Variants in ABCB7 observed in about 807,000 individuals in gnomAD.
ABCB7 encodes the protein iron-sulfur clusters transporter ABCB7, mitochondrial.
In ABCB7, 7 loss-of-function variants were observed where a neutral mutation model predicts 54.4. The ratio of observed to expected loss-of-function variants is 0.13; its 90% CI spans 0.07 to 0.24. The LOEUF (loss-of-function observed/expected upper bound fraction) is 0.24. Ranked by LOEUF, ABCB7 falls within the 10% of genes least tolerant of loss-of-function variation. The pLI, the probability that ABCB7 is intolerant of heterozygous loss-of-function variation, is 1.00. For synonymous variants in ABCB7, 218 were observed against 207.1 expected (o/e 1.05, Z -0.45); for missense variants, 356 against 570.4 (o/e 0.62, Z 3.83).
intron 3 of ABCB7, among the ~76,000 whole-genome samples, chrX:75,107,911 T>G (rs765807148): frequency 8.2e-5 from 9 of 110,253 alleles, no homozygotes; most frequent in African/African-American, 2.6e-4. Context: ...TACCGGATTA[T>G]AGGATTTGAC....
chrX:75,128,299 T>C (rs1284581939), intron 1 of ABCB7, among the ~76,000 whole-genome samples: 1 of 110,765 alleles, frequency 9.0e-6, no homozygotes, highest in South Asian at 3.9e-4. Flanking sequence ...ACACCACACA[T>C]CTACAACCAT....
At chrX:75,092,163 C>G (rs2081549469) in intron 4 of ABCB7, among the ~76,000 whole-genome samples, 1 of 111,074 alleles carries the variant, frequency 9.0e-6, no homozygotes, top group Non-Finnish European at 1.9e-5. Context: ...CACTACCTGA[C>G]TATAAGACTT....
At chrX:75,074,023 A>G (rs2081386664) in intron 6 of ABCB7, 67 bp from the exon 7 acceptor site, 1 of 900,007 alleles carries the variant, frequency 1.1e-6, no homozygotes, top group African/African-American at 2.0e-5. Flanking sequence ...TTTGTAATAC[A>G]CAACAGCAAA....
At chrX:75,137,686 A>G (rs1037801819) in intron 1 of ABCB7, among the ~76,000 whole-genome samples, 3 of 112,563 alleles carry the variant, frequency 2.7e-5, no homozygotes, top group African/African-American at 9.7e-5. Context: ...ACACTATGGA[A>G]TACCACATAG....
chrX:75,090,078 C>T (rs762119486), intron 4 of ABCB7, among the ~76,000 whole-genome samples: 1 of 109,405 alleles, frequency 9.1e-6, no homozygotes, highest in East Asian at 2.9e-4. Context: ...GTGTATGCAC[C>T]TAACAGCAAA....
intron 4 of ABCB7, among the ~76,000 whole-genome samples, chrX:75,095,957 T>C (rs1224767790): frequency 1.8e-5 from 2 of 112,028 alleles, no homozygotes; most frequent in Non-Finnish European, 3.8e-5. Context: ...TAAAAATAAA[T>C]TCTAATACAA....
chrX:75,132,370 C>T (rs1187431100), intron 1 of ABCB7, among the ~76,000 whole-genome samples: 1 of 113,323 alleles, frequency 8.8e-6, no homozygotes. Flanking sequence ...AGCCACTCCA[C>T]ATTAGGCTGA....
intron 15 of ABCB7, among the ~76,000 whole-genome samples, chrX:75,059,863 T>A (rs1293718813): frequency 1.8e-5 from 2 of 111,764 alleles, no homozygotes; most frequent in African/African-American, 6.5e-5. Flanking sequence ...TGTGCAGGTA[T>A]TAGAAAAACA....
intron 12 of ABCB7, 53 bp from the exon 13 acceptor site, chrX:75,065,294 A>C (rs946608215): frequency 5.8e-6 from 6 of 1,031,072 alleles, no homozygotes; most frequent in Non-Finnish European, 8.0e-6. Flanking sequence ...ATCTCTCTCT[A>C]TTTATGTTCA....
At chrX:75,105,358 T>C (rs1414727244) in intron 3 of ABCB7, among the ~76,000 whole-genome samples, 2 of 111,310 alleles carry the variant, frequency 1.8e-5, no homozygotes, top group Non-Finnish European at 3.8e-5. Context: ...AAAATGAGCA[T>C]TTCTATACAT....
chrX:75,121,515 C>T (rs1363332602), intron 1 of ABCB7, among the ~76,000 whole-genome samples: 2 of 110,949 alleles, frequency 1.8e-5, no homozygotes, highest in African/African-American at 6.6e-5. Context: ...TTTAGACTGA[C>T]TGCTTGTTCC....
chrX:75,055,553 CAAAAAAAAAAAAA>C (rs59851777), intron 15 of ABCB7, among the ~76,000 whole-genome samples: 2 of 21,754 alleles, frequency 9.2e-5, no homozygotes, highest in African/African-American at 2.1e-4. Flanking sequence ...CCATCTCTAC[CAAAAAAAAAAAAA>C]AAAAAAAAAA....
chrX:75,095,534 G>A (rs1012228344), intron 4 of ABCB7, among the ~76,000 whole-genome samples: 2 of 112,743 alleles, frequency 1.8e-5, no homozygotes, highest in African/African-American at 6.4e-5. Flanking sequence ...CTGTGCAAAT[G>A]CTTTTTGGAA....
chrX:75,122,548 T>G (rs1169473593), intron 1 of ABCB7, among the ~76,000 whole-genome samples: 1 of 112,307 alleles, frequency 8.9e-6, no homozygotes, highest in African/African-American at 3.2e-5. Flanking sequence ...GAAGAGGAAT[T>G]TCTGGATCAT....
intron 1 of ABCB7, among the ~76,000 whole-genome samples, chrX:75,153,336 G>A (rs1160479821): frequency 9.0e-6 from 1 of 111,034 alleles, no homozygotes; most frequent in East Asian, 2.8e-4. Flanking sequence ...ATTTTGGGAC[G>A]ACTGTTGAAT....
chrX:75,073,834 C>T (rs1227014074), intron 7 of ABCB7, 34 bp downstream of exon 7: 1 of 1,194,336 alleles, frequency 8.4e-7, no homozygotes, highest in Admixed American at 2.2e-5. Flanking sequence ...AAAACAATTT[C>T]TAAATTTTAT....
chrX:75,152,811 G>T (rs1472438097), intron 1 of ABCB7, among the ~76,000 whole-genome samples: 1 of 109,087 alleles, frequency 9.2e-6, no homozygotes, highest in Non-Finnish European at 1.9e-5. Flanking sequence ...AGGTGCACGT[G>T]ACCATGCCCA....
chrX:75,087,402 G>A (rs1270324738), intron 4 of ABCB7, among the ~76,000 whole-genome samples: 2 of 112,136 alleles, frequency 1.8e-5, no homozygotes, highest in Non-Finnish European at 3.8e-5. Flanking sequence ...AGTTATGTAA[G>A]TTGATCAAAT....
chrX:75,150,153 A>T (rs1257197585), intron 1 of ABCB7, among the ~76,000 whole-genome samples: 1 of 111,700 alleles, frequency 9.0e-6, no homozygotes, highest in Admixed American at 9.5e-5. Context: ...ATAAAGTAAT[A>T]AGGGTCTAAA....
Sources: allele counts gnomAD v4.1 joint callset (sites outside exome capture counted in the v4.1 genomes callset), GRCh38; gene constraint gnomAD v4.1.1; transcripts MANE v1.5; gene names NCBI Gene and HGNC (gene_info 2026-07-23, HGNC 2026-07-21).